RAD54L: variants seen among roughly 807,000 people sequenced by gnomAD.
RAD54L encodes DNA repair and recombination protein RAD54-like.
RAD54L carries 74 observed loss-of-function variants against 91.6 expected under a neutral mutation model. The ratio of observed to expected loss-of-function variants is 0.81; its 90% CI spans 0.67 to 0.98. The LOEUF (loss-of-function observed/expected upper bound fraction) is 0.98. Among genes scored for constraint, RAD54L ranks in the 50% least tolerant of loss-of-function variants. RAD54L has a pLI of 0.00. For synonymous variants in RAD54L, 304 were observed against 349.7 expected, an observed-to-expected ratio of 0.87 and a Z score of 1.46; for missense variants, 887 against 945.7, an observed-to-expected ratio of 0.94 and a Z score of 0.81.
At position 46,272,363 on chromosome 1, in the gene RAD54L, T is replaced by C. The variant is rs1257638368; in HGVS notation, c.1170-103T>C. The C allele has an allele frequency of 4.7e-6, 5 of 1,057,188 alleles. No individual in the cohort carries two copies. The African/African-American group carries it at 6.2e-5, about 13-fold the overall frequency. The allele number at this position is 1,057,188 out of a possible 1,614,324, so 65.5% of individuals were successfully genotyped here. A position where few individuals can be genotyped will look rare whatever the true frequency, so the allele number is the denominator to read the frequency against. On this transcript the variant is annotated intron_variant, in intron 10 of 17. Coordinates refer to ENST00000371975, the MANE Select transcript of RAD54L (RefSeq NM_003579.4). Reference sequence around the variant, plus strand: ...TGGCCGAGTCTCTGACATTTAATACTGTAAAAGAGGGCTAGTCTTGGTCCT... The same window carrying C: ...TGGCCGAGTCTCTGACATTTAATACCGTAAAAGAGGGCTAGTCTTGGTCCT...
intron 9 of RAD54L, among the ~76,000 whole-genome samples, chr1:46,270,255 A>G (rs1660383906): frequency 1.3e-5 from 2 of 151,456 alleles, no homozygotes; most frequent in South Asian, 4.2e-4. Flanking sequence ...TGTAATCCCA[A>G]CTACTCGGGA....
In RAD54L at chr1:46,276,489, C is replaced by A. The variant is rs566120515; in HGVS notation, c.1870-1328C>A. The stretch of plus-strand genomic sequence containing the variant: ...CTTCTGAATGTTGTTCTTAATGGCT[C>A]CATTATCCACCCAACCCAAAACTGG... On this transcript the variant is annotated intron_variant, in intron 16 of 17. Transcript: ENST00000371975. Among the ~76,000 whole-genome samples, 8 of 152,260 alleles carry A rather than the reference C, an allele frequency of 5.3e-5. No individual in the cohort carries two copies. The South Asian group carries it at 1.7e-3, about 32-fold the overall frequency.
chr1:46,268,848 C>G (rs1660338686), intron 9 of RAD54L, among the ~76,000 whole-genome samples: 2 of 152,208 alleles, frequency 1.3e-5, no homozygotes, highest in African/African-American at 4.8e-5. Context: ...TCACTGTACC[C>G]TCAACTTCCT....
At chr1:46,260,420 G>GC in intron 5 of RAD54L, 122 bp from the exon 6 acceptor site, 1 of 1,060,910 alleles carries the variant, frequency 9.4e-7, no homozygotes, top group South Asian at 1.3e-5. Context: ...CGATTTATCA[G>GC]CCAAGAAGGT....
chr1:46,270,089 G>T (rs1236571396), intron 9 of RAD54L, among the ~76,000 whole-genome samples: 1 of 151,768 alleles, frequency 6.6e-6, no homozygotes, highest in Non-Finnish European at 1.5e-5. Flanking sequence ...AAAAAAATTG[G>T]CCGGGCACGG....
intron 8 of RAD54L, 133 bp downstream of exon 8, chr1:46,261,518 A>C (rs1185679127): frequency 8.6e-7 from 1 of 1,162,570 alleles, no homozygotes; most frequent in African/African-American, 1.5e-5. Context: ...GACAAGTGAC[A>C]GGGAGAGCCT....
At chr1:46,273,111 G>T (rs1474782544) in intron 12 of RAD54L, among the ~76,000 whole-genome samples, 1 of 152,196 alleles carries the variant, frequency 6.6e-6, no homozygotes, top group East Asian at 1.9e-4. Context: ...AAATAACAAA[G>T]AAACCTTGCC....
At position 46,260,866 on chromosome 1, in the gene RAD54L, A is replaced by T. The variant is rs773089761; in HGVS notation, c.617A>T (p.Glu206Val). 3.1e-6 allele frequency: 5 copies of T among 1,614,244 alleles called. No individual in the cohort carries two copies. The highest frequency in any genetic ancestry group is 1.6e-4 in the Middle Eastern group (1 of 6,062). Reference protein sequence around the residue: ...LMWTLLRQSPECKPEIDKAVV... With the variant: ...LMWTLLRQSPVCKPEIDKAVV... ...TGGACACTTTTACGCCAGAGTCCAG[A>T]GTGCAAGCCAGAAATTGACAAGGCA... The change falls in exon 7 of 18, where the codon GAG becomes GTG. Residue 206 changes from glutamate to valine, a missense_variant. Physicochemically the swap from Glu to Val is moderately radical, Grantham distance 121. Transcript: ENST00000371975.
Position 46,270,717 on chromosome 1 carries a change from TG to T in RAD54L, c.1102del (p.Ala368LeufsTer9), listed in dbSNP as rs750424487. ...TGCCAATTTTGAAGGGTCGAGACGC[TG>T]CTGCTAGTGAGGCAGACAGGCAGCT... ...ELPILKGRDAAASEADRQLGE... is the reference protein window; with the variant it reads ...ELPILKGRDAXASEADRQLGE... On this transcript the variant is annotated frameshift_variant, in exon 10 of 18. Transcript: ENST00000371975. LOFTEE classifies it high-confidence loss of function. 6.2e-7 allele frequency: 1 copy of T among 1,614,254 alleles called. No individual in the cohort carries two copies. Among genetic ancestry groups the T allele is most frequent in the Non-Finnish European group, 8.5e-7 (1 of 1,180,030 alleles).
chr1:46,277,241 G>A (rs1210236445), intron 16 of RAD54L, among the ~76,000 whole-genome samples: 2 of 152,092 alleles, frequency 1.3e-5, no homozygotes, highest in East Asian at 1.9e-4. Flanking sequence ...ACCTTTCTTT[G>A]TGTCTTTTCT....
In RAD54L at chr1:46,261,003, G is replaced by A. The variant is rs970703244; in HGVS notation, c.754G>A (p.Asp252Asn). ...AIDGGSKDEI[D>N]QKLEGFMNQR... is the part of the protein sequence containing the mutation. ...CGATGGAGGATCTAAGGATGAAATA[G>A]ACCAAAAGCTGGGTACGGAGCCCTA... The change falls in exon 7 of 18, where the codon GAC (aspartate) becomes AAC (asparagine). Residue 252 changes from aspartate to asparagine, a missense_variant. Physicochemically the swap from Asp to Asn is conservative, Grantham distance 23. Transcript: ENST00000371975. 5 of 1,613,592 alleles carry A rather than the reference G, an allele frequency of 3.1e-6. No homozygotes were observed. Among genetic ancestry groups the A allele is most frequent in the Middle Eastern group, 1.7e-4 (1 of 5,720 alleles).
intron 3 of RAD54L, among the ~76,000 whole-genome samples, chr1:46,255,302 A>T (rs1376273151): frequency 6.6e-6 from 1 of 152,148 alleles, no homozygotes; most frequent in Non-Finnish European, 1.5e-5. Context: ...TAACAGAGTG[A>T]TTCTCTGCAG....
chr1:46,261,497 G>T (rs943754732), intron 8 of RAD54L, 112 bp downstream of exon 8: 3 of 1,369,950 alleles, frequency 2.2e-6, no homozygotes, highest in African/African-American at 2.9e-5. Flanking sequence ...AAGACAGGAT[G>T]CTGCCTTGGA....
rs1429091490 is a variant in RAD54L, at chr1:46,278,102, TCAGA to T, written c.2065_2068del (p.Gln689SerfsTer66). On this transcript the variant is annotated frameshift_variant, in exon 18 of 18. Coordinates refer to ENST00000371975, the MANE Select transcript of RAD54L (RefSeq NM_003579.4). LOFTEE classifies it high-confidence loss of function. ...ACTGCCGACGTTGTGTCAACAGCCG[TCAGA>T]TCCGGCCACCCCCTGATGGTTCTGA... The T allele has an allele frequency of 6.2e-7, 1 of 1,613,892 alleles. No homozygotes were observed. The highest frequency in any genetic ancestry group is 2.2e-5 in the East Asian group (1 of 44,892).
At chr1:46,270,262 G>A (rs886674180) in intron 9 of RAD54L, among the ~76,000 whole-genome samples, 3 of 151,848 alleles carry the variant, frequency 2.0e-5, no homozygotes, top group Non-Finnish European at 2.9e-5. Context: ...CCAACTACTC[G>A]GGAGGCTGAG....
At chr1:46,267,786 G>A (rs917673108) in intron 9 of RAD54L, 177 bp downstream of exon 9, 1 of 855,870 alleles carries the variant, frequency 1.2e-6, no homozygotes, top group Non-Finnish European at 1.9e-6. Context: ...CCTTGGATCT[G>A]CTGAGCAACT....
At position 46,248,614 on chromosome 1, in the gene RAD54L, G is replaced by T; in HGVS notation, c.90+16G>T. ...TGGCCTAGTGGTGAGCACTCAAGGG[G>T]ACAGGGAAGGTGGGTAGAGCTGTTT... On this transcript the variant is annotated intron_variant, in intron 2 of 17. Transcript: ENST00000371975. 6.2e-7 allele frequency: 1 copy of T among 1,612,112 alleles called. No homozygotes were observed. The highest frequency in any genetic ancestry group is 8.5e-7 in the Non-Finnish European group (1 of 1,178,324).
chr1:46,249,266 G>A (rs28363194), intron 2 of RAD54L, among the ~76,000 whole-genome samples: 181 of 152,324 alleles, frequency 1.2e-3, no homozygotes, highest in Middle Eastern at 3.4e-3. Context: ...AGCAGTGTGT[G>A]AATAAGGTGT....
In RAD54L at chr1:46,273,449, G is replaced by A. The variant is rs981575357; in HGVS notation, c.1470G>A (p.Leu490=). Residue 490 remains leucine, a synonymous_variant, in exon 13 of 18, where the codon CTG becomes CTA. Coordinates refer to ENST00000371975, the MANE Select transcript of RAD54L (RefSeq NM_003579.4). The part of the protein sequence containing the change: ...LFPPGYSSKA[L]EPQLSGKMLV... ...CTCCTGGTTACAGCTCTAAGGCCCT[G>A]GAGCCCCAGCTGTCAGGTGACCCTT... The A allele has an allele frequency of 6.2e-7, 1 of 1,613,774 alleles. No homozygotes were observed. The highest frequency in any genetic ancestry group is 8.5e-7 in the Non-Finnish European group (1 of 1,179,772).
Sources: gnomAD v4.1 joint callset for allele counts (sites outside exome capture counted in the v4.1 genomes callset) on GRCh38, gnomAD v4.1.1 for gene constraint, MANE v1.5 for transcripts, NCBI Gene and HGNC (gene_info 2026-07-23, HGNC 2026-07-21) for gene names.